OR3A2: variants seen among roughly 807,000 people sequenced by gnomAD.
OR3A2 encodes the protein olfactory receptor family 3 subfamily A member 2.
For synonymous variants in OR3A2, 126 were observed against 159.3 expected, an observed-to-expected ratio of 0.79 and a Z score of 1.57; for missense variants, 318 against 392.8, an observed-to-expected ratio of 0.81 and a Z score of 1.61.
intron 3 of OR3A2, among the ~76,000 whole-genome samples, chr17:3,300,195 A>T (rs1349799703): frequency 6.6e-6 from 1 of 151,590 alleles, no homozygotes; most frequent in Non-Finnish European, 1.5e-5. Flanking sequence ...GATCACTATG[A>T]CTGTCTCTGC....
intron 2 of OR3A2, among the ~76,000 whole-genome samples, chr17:3,368,647 ATAGTTATAAGTTGGG>A: frequency 1.3e-5 from 2 of 152,274 alleles, no homozygotes; most frequent in East Asian, 3.9e-4. Flanking sequence ...GCCTTGTAGT[ATAGTTATAAGTTGGG>A]TAACGTGATA....
intron 1 of OR3A2, among the ~76,000 whole-genome samples, chr17:3,385,740 ATAAAATT>A (rs1380858703): frequency 6.6e-6 from 1 of 152,228 alleles, no homozygotes; most frequent in East Asian, 1.9e-4. Context: ...CCGTTTCTTC[ATAAAATT>A]AAGATTATTG....
At chr17:3,289,330 G>A (rs1056933951), upstream of OR3A2, among the ~76,000 whole-genome samples, 6 of 152,234 alleles carry the variant, frequency 3.9e-5, no homozygotes, top group Non-Finnish European at 8.8e-5. Flanking sequence ...CAAATGAAAT[G>A]GAATCTCCCA....
chr17:3,382,380 T>C (rs1055681324), intron 2 of OR3A2, among the ~76,000 whole-genome samples: 5 of 152,320 alleles, frequency 3.3e-5, no homozygotes, highest in African/African-American at 9.6e-5. Context: ...TCTCTCTATA[T>C]ACAGCTTCTG....
At chr17:3,288,380 C>T (rs1350389730), upstream of OR3A2, among the ~76,000 whole-genome samples, 1 of 152,080 alleles carries the variant, frequency 6.6e-6, no homozygotes, top group Non-Finnish European at 1.5e-5. Context: ...GCAGTGGTCA[C>T]AGCAATAGGC....
In OR3A2 at chr17:3,291,658, T is replaced by G. The variant is rs748437144; in HGVS notation, c.-84-12505A>C. ...CCTCAAGCCAGTGACCGCCTCCCTG[T>G]GAGCATCCTCCAGATGGCACTCTGC... On this transcript the variant is annotated intron_variant, in intron 3 of 4. Transcript: ENST00000573491. 3 of 1,601,272 alleles carry G rather than the reference T, an allele frequency of 1.9e-6. No individual in the cohort carries two copies. In the South Asian group the frequency reaches 3.3e-5, roughly 18 times the overall value.
At chr17:3,282,181 G>A (rs1382569773) in intron 1 of OR3A2, among the ~76,000 whole-genome samples, 1 of 152,150 alleles carries the variant, frequency 6.6e-6, no homozygotes, top group Non-Finnish European at 1.5e-5. Context: ...TTGGGAGGCT[G>A]AGGTGGGTGG....
intron 2 of OR3A2, among the ~76,000 whole-genome samples, chr17:3,362,468 T>G (rs570516101): frequency 6.6e-6 from 1 of 151,784 alleles, no homozygotes; most frequent in African/African-American, 2.4e-5. Context: ...AGCTTTTGAA[T>G]GTGTTTGCTC....
chr17:3,305,922 T>C (rs912905364), intron 3 of OR3A2, among the ~76,000 whole-genome samples: 3 of 152,246 alleles, frequency 2.0e-5, no homozygotes, highest in African/African-American at 7.2e-5. Context: ...ATGTCTGTAT[T>C]TGGTCACCTC....
chr17:3,294,499 A>G (rs946635529), intron 3 of OR3A2, among the ~76,000 whole-genome samples: 1 of 152,222 alleles, frequency 6.6e-6, no homozygotes, highest in Admixed American at 6.5e-5. Context: ...GGAAATCAAA[A>G]AAGTGGAAAA....
Position 3,360,635 on chromosome 17 carries a change from T to A in OR3A2, c.-179+23169A>T, listed in dbSNP as rs1001129097. Among the ~76,000 whole-genome samples, 18 of 151,794 alleles carry A rather than the reference T, an allele frequency of 1.2e-4. 1 individual carries two copies. The highest frequency in any genetic ancestry group is 4.4e-5 in the Non-Finnish European group (3 of 68,040). On this transcript the variant is annotated intron_variant, in intron 2 of 4. Coordinates refer to the OR3A2 transcript ENST00000573491. The stretch of plus-strand genomic sequence containing the variant: ...GGATCCAGTTTCAGCTTTCTACATA[T>A]GGCTAGCCAGTTTTCCCAGCACCAT...
intron 2 of OR3A2, among the ~76,000 whole-genome samples, chr17:3,374,336 T>C (rs1465940960): frequency 6.6e-6 from 1 of 152,232 alleles, no homozygotes; most frequent in Non-Finnish European, 1.5e-5. Context: ...TATTTGGTCA[T>C]CTAGATGTCT....
At chr17:3,331,982 T>C (rs927720922) in intron 3 of OR3A2, among the ~76,000 whole-genome samples, 40 of 151,972 alleles carry the variant, frequency 2.6e-4, no homozygotes, top group Non-Finnish European at 1.8e-4. Context: ...CCGTGTGAGA[T>C]GTCAGTGTGC....
chr17:3,372,659 C>CA (rs1285719834), intron 2 of OR3A2, among the ~76,000 whole-genome samples: 1 of 151,922 alleles, frequency 6.6e-6, no homozygotes, highest in Non-Finnish European at 1.5e-5. Flanking sequence ...CCGTCTCCAC[C>CA]AAAAAAATAC....
intron 2 of OR3A2, among the ~76,000 whole-genome samples, chr17:3,358,644 G>A (rs1364529835): frequency 6.6e-6 from 1 of 151,722 alleles, no homozygotes; most frequent in African/African-American, 2.4e-5. Flanking sequence ...CTGAGAGTAT[G>A]TTTGGTATGG....
intron 2 of OR3A2, among the ~76,000 whole-genome samples, chr17:3,339,822 G>A (rs906633447): frequency 4.6e-5 from 7 of 152,096 alleles, no homozygotes; most frequent in African/African-American, 1.7e-4. Context: ...TTTTTCTATT[G>A]ATTGGAATAG....
chr17:3,385,910 C>T (rs2049773182), intron 1 of OR3A2: 3 of 398,720 alleles, frequency 7.5e-6, no homozygotes, highest in Non-Finnish European at 1.3e-5. Flanking sequence ...CCTCGGCATT[C>T]CCACCTGTCA....
At chr17:3,280,137 T>TACATTCTGCATTGCACAGTC (rs1170330830) in intron 1 of OR3A2, among the ~76,000 whole-genome samples, 1 of 152,220 alleles carries the variant, frequency 6.6e-6, no homozygotes, top group Non-Finnish European at 1.5e-5. Context: ...CAGGTGCAGT[T>TACATTCTGCATTGCACAGTC]ACATTCTGCA....
rs1298223661 is a variant in OR3A2 at position 3,361,860 on chromosome 17, T to C, written c.-179+21944A>G. Among the ~76,000 whole-genome samples, 2 of 151,594 alleles carry C rather than the reference T, an allele frequency of 1.3e-5. 1 individual carries two copies. The highest frequency in any genetic ancestry group is 4.9e-5 in the African/African-American group (2 of 40,888). ...TTTTTGCATTGATGTTCATCAGGGATATTGGTCTAAAATTCTCTTTTTTTG... is the reference window on the plus strand; with the variant it reads ...TTTTTGCATTGATGTTCATCAGGGACATTGGTCTAAAATTCTCTTTTTTTG... On this transcript the variant is annotated intron_variant, in intron 2 of 4. Transcript: ENST00000573491.
Sources: gnomAD v4.1 joint callset for allele counts (sites outside exome capture counted in the v4.1 genomes callset) on GRCh38, gnomAD v4.1.1 for gene constraint, MANE v1.5 for transcripts, NCBI Gene and HGNC (gene_info 2026-07-23, HGNC 2026-07-21) for gene names.